The following RAC1 variants were observed in gnomAD, a reference collection of about 807,000 sequenced individuals.
The protein encoded by RAC1 is ras-related C3 botulinum toxin substrate 1.
In RAC1, 2 loss-of-function variants were observed where a neutral mutation model predicts 25.2. That is an observed-to-expected ratio of 0.08 (90% CI 0.03 to 0.25). The LOEUF is 0.25. Ranked by LOEUF, RAC1 falls within the 10% of genes least tolerant of loss-of-function variation. The probability of loss-of-function intolerance (pLI) is 1.00; values close to 1 mark genes in which losing one functional copy is unlikely to be tolerated. For synonymous variants in RAC1, 88 were observed against 94.0 expected (o/e 0.94, Z 0.37); for missense variants, 50 against 235.7 (o/e 0.21, Z 5.16).
intron 1 of RAC1, among the ~76,000 whole-genome samples, chr7:6,383,727 C>A (rs963866321): frequency 1.4e-5 from 2 of 143,464 alleles, no homozygotes; most frequent in Non-Finnish European, 3.0e-5. Flanking sequence ...ACCTTCATAG[C>A]AGCTTATCCT....
Position 6,403,851 on chromosome 7 carries a change from C to G in RAC1, c.*1405C>G. 4.5e-6 allele frequency: 1 copy of G among 222,940 alleles called. No homozygotes were observed. Among genetic ancestry groups the G allele is most frequent in the Non-Finnish European group, 9.0e-6 (1 of 111,306 alleles). The allele number at this position is 222,940 out of a possible 1,614,324, so 13.8% of individuals were successfully genotyped here. On this transcript the variant is annotated 3_prime_UTR_variant, in exon 6 of 6. Transcript: ENST00000348035. ...ACAGCGTGGGACCCTTCAGCCACTACAACAGAATTTTTTAAATTGACAGTT... is the reference window on the plus strand; with the variant it reads ...ACAGCGTGGGACCCTTCAGCCACTAGAACAGAATTTTTTAAATTGACAGTT...
chr7:6,374,822 G>A, intron 1 of RAC1, 52 bp downstream of exon 1: 1 of 1,087,566 alleles, frequency 9.2e-7, no homozygotes, highest in Non-Finnish European at 1.1e-6. Flanking sequence ...GGCGCGGAGG[G>A]GGGTTGGGCC....
chr7:6,374,893 C>G, intron 1 of RAC1, 123 bp downstream of exon 1: 1 of 827,840 alleles, frequency 1.2e-6, no homozygotes, highest in Non-Finnish European at 1.5e-6. Flanking sequence ...TGGGCCTGGG[C>G]CTGTGTCGCG....
chr7:6,379,406 G>C (rs1782701512), intron 1 of RAC1, among the ~76,000 whole-genome samples: 1 of 151,328 alleles, frequency 6.6e-6, no homozygotes, highest in African/African-American at 2.4e-5. Context: ...TGTCGAGTAG[G>C]TGGGATTACA....
chr7:6,388,320 T>TTTTTG lies in RAC1; in HGVS notation c.107+1040_107+1044dup, dbSNP rs1327310204. The stretch of plus-strand genomic sequence containing the variant: ...TGCTCTCTGAAGTGTCGTACCCATG[T>TTTTTG]TTTTGTTGTTGTTGTTGTTGTTTTC... On this transcript the variant is annotated intron_variant, in intron 2 of 5. Transcript: ENST00000348035. Among the ~76,000 whole-genome samples the TTTTTG allele has an allele frequency of 2.0e-5, 3 of 151,434 alleles. No individual in the cohort carries two copies. The East Asian group carries it at 5.8e-4, about 29-fold the overall frequency.
At chr7:6,387,682 G>A (rs35111355) in intron 2 of RAC1, among the ~76,000 whole-genome samples, 1 of 151,572 alleles carries the variant, frequency 6.6e-6, no homozygotes, top group African/African-American at 2.4e-5. Flanking sequence ...CCAAGATCAC[G>A]CCACTGCACT....
At chr7:6,397,382 C>T (rs1285416579) in intron 3 of RAC1, among the ~76,000 whole-genome samples, 2 of 152,002 alleles carry the variant, frequency 1.3e-5, no homozygotes, top group African/African-American at 2.4e-5. Context: ...GCAACCTCCA[C>T]CTCCCGGGTT....
In RAC1 at chr7:6,383,459, CAT is replaced by C. The variant is rs1240524565; in HGVS notation, c.36-3750_36-3749del. Among the ~76,000 whole-genome samples the C allele has an allele frequency of 5.4e-5, 8 of 149,130 alleles. No individual in the cohort carries two copies. In the South Asian group the frequency reaches 1.7e-3, roughly 31 times the overall value. On this transcript the variant is annotated intron_variant, in intron 1 of 5. Coordinates refer to ENST00000348035, the MANE Select transcript of RAC1 (RefSeq NM_006908.5). ...TTTAAGAATTCTGTAGTTTAATAAT[CAT>C]ATTCTTATAAGACATAGATTTGTAA...
chr7:6,399,872 G>T (rs1395819233), intron 3 of RAC1: 5 of 533,818 alleles, frequency 9.4e-6, no homozygotes, highest in Admixed American at 3.3e-5. Flanking sequence ...TGATCCTCCT[G>T]ATCCTTGAAG....
chr7:6,381,952 A>T (rs960596570), intron 1 of RAC1, among the ~76,000 whole-genome samples: 1 of 152,066 alleles, frequency 6.6e-6, no homozygotes, highest in African/African-American at 2.4e-5. Context: ...TATATATTTG[A>T]CAGTTACTAA....
At chr7:6,388,576 T>G (rs1022896741) in intron 2 of RAC1, among the ~76,000 whole-genome samples, 2 of 151,940 alleles carry the variant, frequency 1.3e-5, no homozygotes, top group African/African-American at 4.8e-5. Context: ...ACTCCTGACC[T>G]CAGGTGATCT....
At chr7:6,385,122 A>G (rs1782885827) in intron 1 of RAC1, among the ~76,000 whole-genome samples, 1 of 152,172 alleles carries the variant, frequency 6.6e-6, no homozygotes, top group African/African-American at 2.4e-5. Context: ...TATTTTTTTC[A>G]GCTCTAGAAA....
intron 1 of RAC1, among the ~76,000 whole-genome samples, chr7:6,379,810 A>G (rs900470709): frequency 3.3e-5 from 5 of 151,724 alleles, no homozygotes; most frequent in Non-Finnish European, 5.9e-5. Context: ...GTGCAGTGGC[A>G]TGATATGGGC....
rs1413068445 is a variant in RAC1, at chr7:6,402,745, G to C, written c.*299G>C. ...AAAGCGCCCCCCCCATTCTTGTTCA[G>C]ATTAAGAGTTGCCAAAATACCTTCT... On this transcript the variant is annotated 3_prime_UTR_variant, in exon 6 of 6. Coordinates refer to ENST00000348035, the MANE Select transcript of RAC1 (RefSeq NM_006908.5). 1.1e-5 allele frequency: 3 copies of C among 264,130 alleles called. No individual in the cohort carries two copies. The highest frequency in any genetic ancestry group is 2.2e-5 in the Non-Finnish European group (3 of 138,062). 16.4% of individuals were successfully genotyped at this position (264,130 alleles called of 1,614,324 possible). A position where few individuals can be genotyped will look rare whatever the true frequency, so the allele number is the denominator to read the frequency against.
At chr7:6,391,717 TTTCTC>T (rs1227154578) in intron 2 of RAC1, 2 of 573,884 alleles carry the variant, frequency 3.5e-6, no homozygotes, top group African/African-American at 3.7e-5. Flanking sequence ...GTTTCTTTCA[TTTCTC>T]TTAAGTTTTG....
At position 6,403,264 on chromosome 7, in the gene RAC1, T is replaced by C. The variant is rs879032072; in HGVS notation, c.*818T>C. 4.6e-6 allele frequency: 1 copy of C among 215,672 alleles called. No homozygotes were observed. The allele number at this position is 215,672 out of a possible 1,614,324, so 13.4% of individuals were successfully genotyped here. On this transcript the variant is annotated 3_prime_UTR_variant, in exon 6 of 6. Coordinates refer to ENST00000348035, the MANE Select transcript of RAC1 (RefSeq NM_006908.5). ...AAAGGTTAATTTCTGTCAAATGCAG[T>C]AGATGATGAAAGAAAGGTTGGTATT...
rs188843112 is a variant in RAC1, at chr7:6,385,144, T to C, written c.36-2068T>C. On this transcript the variant is annotated intron_variant, in intron 1 of 5. Transcript: ENST00000348035. ...TTCAGCTCTAGAAATGTTAGCTCTT[T>C]TGCTGTACATTTCCAGAGCTGCTTT... is the stretch of plus-strand genomic sequence containing the variant. Among the ~76,000 whole-genome samples the C allele has an allele frequency of 1.0e-3, 156 of 152,316 alleles. 2 individuals are homozygous for C. The highest frequency in any genetic ancestry group is 6.8e-3 in the Middle Eastern group (2 of 294).
At chr7:6,376,069 A>T (rs531789169) in intron 1 of RAC1, among the ~76,000 whole-genome samples, 70 of 151,908 alleles carry the variant, frequency 4.6e-4, no homozygotes, top group African/African-American at 1.5e-3. Flanking sequence ...GGTTCTTGCA[A>T]TTCAGATGCA....
At chr7:6,391,219 C>T (rs1007274720) in intron 2 of RAC1, among the ~76,000 whole-genome samples, 1 of 150,416 alleles carries the variant, frequency 6.6e-6, no homozygotes, top group African/African-American at 2.4e-5. Context: ...TTATATTTTT[C>T]CTTTTTTTTT....
Sources: allele counts gnomAD v4.1 joint callset (sites outside exome capture counted in the v4.1 genomes callset), GRCh38; gene constraint gnomAD v4.1.1; transcripts MANE v1.5; gene names NCBI Gene and HGNC (gene_info 2026-07-23, HGNC 2026-07-21).